The following SERPINB1 variants were observed in gnomAD, a reference collection of about 807,000 sequenced individuals.
SERPINB1 encodes the protein serpin family B member 1.
Under a neutral mutation model 25.9 loss-of-function variants are expected in SERPINB1, and 23 were observed. The observed-to-expected ratio is 0.89, with a 90% CI of 0.64 to 1.26. The LOEUF is 1.26. Among genes scored for constraint, SERPINB1 ranks in the 50% most tolerant of loss-of-function variants. The pLI, the probability that SERPINB1 is intolerant of heterozygous loss-of-function variation, is 0.00. For missense variants in SERPINB1, 399 were observed against 463.6 expected (o/e 0.86, Z 1.28); for synonymous variants, 178 against 178.7 (o/e 1.00, Z 0.03).
rs909671679 is a variant in SERPINB1 at position 2,833,005 on chromosome 6, G to C, written c.*603C>G. On this transcript the variant is annotated 3_prime_UTR_variant, in exon 7 of 7. Transcript: ENST00000380739. ...ACATGAACTATATATTATACATAAAGAAGAACAAAAAAGGGAATGCAGGTT... is the reference window on the plus strand; with the variant it reads ...ACATGAACTATATATTATACATAAACAAGAACAAAAAAGGGAATGCAGGTT... The C allele has an allele frequency of 1.3e-5, 2 of 152,080 alleles. No individual in the cohort carries two copies. Among genetic ancestry groups the C allele is most frequent in the Non-Finnish European group, 2.9e-5 (2 of 68,058 alleles). 9.4% of individuals were successfully genotyped at this position (152,080 alleles called of 1,614,324 possible).
chr6:2,839,394 G>C, intron 2 of SERPINB1: 1 of 984,916 alleles, frequency 1.0e-6, no homozygotes, highest in South Asian at 4.7e-5. Context: ...AAATGGGGGA[G>C]GAGTCCTTAA....
intron 2 of SERPINB1, 53 bp downstream of exon 2, chr6:2,840,366 C>A: frequency 6.2e-7 from 1 of 1,600,774 alleles, no homozygotes; most frequent in Non-Finnish European, 8.5e-7. Context: ...TGCAGACTGT[C>A]CATTCGTAGG....
At position 2,841,248 on chromosome 6, in the gene SERPINB1, T is replaced by A. The variant is rs964735362; in HGVS notation, c.-9+564A>T. 6.6e-6 allele frequency: 1 copy of A among 152,216 alleles called. No homozygotes were observed. Among genetic ancestry groups the A allele is most frequent in the African/African-American group, 2.4e-5 (1 of 41,420 alleles). 9.4% of individuals were successfully genotyped at this position (152,216 alleles called of 1,614,324 possible). On this transcript the variant is annotated intron_variant, in intron 1 of 6. Transcript: ENST00000380739. This position sits in a 1 kb window ranked among gnomAD's most constrained non-coding sequence, Gnocchi z 4.5. ...CAGGGTCTGGCCGTGCAGCGTCCCA[T>A]CCGCCACCCACTAGCCCATCTCGAT... is the stretch of plus-strand genomic sequence containing the variant.
At position 2,838,734 on chromosome 6, in the gene SERPINB1, T is replaced by C. The variant is rs374763874; in HGVS notation, c.169-48A>G. 5 of 1,407,184 alleles carry C rather than the reference T, an allele frequency of 3.6e-6. No homozygotes were observed. In the South Asian group the frequency reaches 4.4e-5, roughly 12 times the overall value. 87.2% of individuals were successfully genotyped at this position (1,407,184 alleles called of 1,614,324 possible). A position where few individuals can be genotyped will look rare whatever the true frequency, so the allele number is the denominator to read the frequency against. On this transcript the variant is annotated intron_variant, in intron 2 of 6. Transcript: ENST00000380739. ...TCTACAACCATTTATTTTGAAACTATAAAGTGATTCCTTGGTGTTTCCTTC... is the reference window on the plus strand; with the variant it reads ...TCTACAACCATTTATTTTGAAACTACAAAGTGATTCCTTGGTGTTTCCTTC...
At chr6:2,840,373 T>A in intron 2 of SERPINB1, 46 bp downstream of exon 2, 1 of 1,607,388 alleles carries the variant, frequency 6.2e-7, no homozygotes, top group Non-Finnish European at 8.5e-7. Flanking sequence ...TGTCCATTCG[T>A]AGGGAGATGG....
chr6:2,836,616 C>T (rs1265692398), intron 4 of SERPINB1, among the ~76,000 whole-genome samples: 1 of 152,108 alleles, frequency 6.6e-6, no homozygotes, highest in African/African-American at 2.4e-5. Flanking sequence ...ATGAAGATAT[C>T]TTTAGTCATC....
rs776833471 is a variant in SERPINB1 at position 2,840,589 on chromosome 6, T to A, written c.-3A>T. On this transcript the variant is annotated 5_prime_UTR_variant, in exon 2 of 7. Coordinates refer to ENST00000380739, the MANE Select transcript of SERPINB1 (RefSeq NM_030666.4). ...TTTGCTGAGCTCAGCTGCTCCATGG[T>A]GAAAACTGCAACACAGAACAGGGTC... 6.2e-7 allele frequency: 1 copy of A among 1,610,702 alleles called. No individual in the cohort carries two copies.
Position 2,840,524 on chromosome 6 carries a change from C to T in SERPINB1, c.63G>A (p.Glu21=), listed in dbSNP as rs149925373. Residue 21 remains glutamate (E), a synonymous_variant, in exon 2 of 7, where the codon GAG becomes GAA. Coordinates refer to ENST00000380739, the MANE Select transcript of SERPINB1 (RefSeq NM_030666.4). ...FALDLFLALS[E]NNPAGNIFIS... is the part of the protein sequence containing the mutation. Reference sequence around the variant, plus strand: ...TGAAGATGTTTCCAGCCGGATTGTTCTCACTCAACGCCAGGAACAGGTCCA... The same window carrying T: ...TGAAGATGTTTCCAGCCGGATTGTTTTCACTCAACGCCAGGAACAGGTCCA... 13 of 1,614,066 alleles carry T rather than the reference C, an allele frequency of 8.1e-6. No individual in the cohort carries two copies. The African/African-American group carries it at 1.7e-4, about 22-fold the overall frequency.
intron 1 of SERPINB1, among the ~76,000 whole-genome samples, chr6:2,840,830 T>C (rs956215962): frequency 6.6e-6 from 1 of 152,098 alleles, no homozygotes; most frequent in African/African-American, 2.4e-5. Context: ...GCACCCAGGG[T>C]GCCCTAAAGG....
Position 2,840,435 on chromosome 6 carries a change from G to A in SERPINB1, c.152C>T (p.Ala51Val), listed in dbSNP as rs778569427. 1.2e-6 allele frequency: 2 copies of A among 1,613,970 alleles called. No homozygotes were observed. Among genetic ancestry groups the A allele is most frequent in the Non-Finnish European group, 1.7e-6 (2 of 1,180,022 alleles). The change falls in exon 2 of 7, where the codon GCA becomes GTA. Residue 51 changes from alanine (A) to valine (V), a missense_variant. Coordinates refer to ENST00000380739, the MANE Select transcript of SERPINB1 (RefSeq NM_030666.4). ...TCTGCTGACCTTGGACAGCTGTGCT[G>A]CCGTGTTACCTCTGGTCCCCAGAAA... ...MVFLGTRGNTAAQLSKTFHFN... is the reference protein window; with the variant it reads ...MVFLGTRGNTVAQLSKTFHFN...
rs1285421001 is a variant in SERPINB1, at chr6:2,841,600, G to A, written c.-9+212C>T. ...CGCGGGCTGGCCCGGCCTGTACCCA[G>A]GCGGGGGCGGGGGATCAGAGGTCGT... On this transcript the variant is annotated intron_variant, in intron 1 of 6. Coordinates refer to ENST00000380739, the MANE Select transcript of SERPINB1 (RefSeq NM_030666.4). This position sits in a 1 kb window ranked among gnomAD's most constrained non-coding sequence, Gnocchi z 4.5. 6.6e-6 allele frequency: 1 copy of A among 152,282 alleles called. No homozygotes were observed. The allele number at this position is 152,282 out of a possible 1,614,324, so 9.4% of individuals were successfully genotyped here.
At chr6:2,839,200 G>A (rs1766578919) in intron 2 of SERPINB1, 1 of 474,068 alleles carries the variant, frequency 2.1e-6, no homozygotes, top group Admixed American at 6.4e-5. Context: ...TTAACATTCT[G>A]GCAAAAGTTT....
chr6:2,834,027 G>T lies in SERPINB1; in HGVS notation c.736-15C>A, dbSNP rs368291069. ...TGTTCCTCAATCTGCAATTAAAAAT[G>T]AGGCGAAAGAGGAAGTGATATCAAT... is the stretch of plus-strand genomic sequence containing the variant. On this transcript the variant is annotated splice_polypyrimidine_tract_variant and intron_variant, in intron 6 of 6. Coordinates refer to ENST00000380739, the MANE Select transcript of SERPINB1 (RefSeq NM_030666.4). 1.9e-6 allele frequency: 3 copies of T among 1,572,194 alleles called. No individual in the cohort carries two copies. The highest frequency in any genetic ancestry group is 2.7e-5 in the African/African-American group (2 of 73,654).
Position 2,833,817 on chromosome 6 carries a change from T to C in SERPINB1, c.931A>G (p.Arg311Gly). The C allele has an allele frequency of 6.2e-7, 1 of 1,614,194 alleles. No individual in the cohort carries two copies. Reference sequence around the variant, plus strand: ...ACAATTTTTGATATAAAAATATCTCTGGCTCCTGACATGCCAGACAGATCA... The same window carrying C: ...ACAATTTTTGATATAAAAATATCTCCGGCTCCTGACATGCCAGACAGATCA... ...KADLSGMSGA[R>G]DIFISKIVHK... Residue 311 changes from arginine (R) to glycine (G), a missense_variant, in exon 7 of 7, where the codon AGA becomes GGA. By Grantham distance (125) the Arg-to-Gly change is moderately radical. Coordinates refer to ENST00000380739, the MANE Select transcript of SERPINB1 (RefSeq NM_030666.4).
At position 2,833,265 on chromosome 6, in the gene SERPINB1, G is replaced by C. The variant is rs17295879; in HGVS notation, c.*343C>G. ...CCAAAATTCTAACTGCAAAATAAAT[G>C]ACCATCTTATCATGTTTTCCCATGG... is the stretch of plus-strand genomic sequence containing the variant. On this transcript the variant is annotated 3_prime_UTR_variant, in exon 7 of 7. Transcript: ENST00000380739. The C allele has an allele frequency of 0.038, 6,988 of 185,196 alleles. 191 individuals are homozygous for C. The highest frequency in any genetic ancestry group is 0.056 in the Middle Eastern group (27 of 478). The allele number at this position is 185,196 out of a possible 1,614,324, so 11.5% of individuals were successfully genotyped here.
chr6:2,835,719 T>C, intron 6 of SERPINB1, 137 bp downstream of exon 6: 1 of 936,798 alleles, frequency 1.1e-6, no homozygotes, highest in Non-Finnish European at 1.6e-6. Flanking sequence ...GTGTAGTAAG[T>C]GTTGATGGGC....
rs751286318 is a variant in SERPINB1 at position 2,836,035 on chromosome 6, T to A, written c.568-12A>T. On this transcript the variant is annotated splice_polypyrimidine_tract_variant and intron_variant, in intron 5 of 6. Coordinates refer to ENST00000380739, the MANE Select transcript of SERPINB1 (RefSeq NM_030666.4). ...GTTTTTCTGTCTTTCTGAACAGTTTTAAAAAATCACTGAAATTATTCTCTG... is the reference window on the plus strand; with the variant it reads ...GTTTTTCTGTCTTTCTGAACAGTTTAAAAAAATCACTGAAATTATTCTCTG... 175 of 1,613,812 alleles carry A rather than the reference T, an allele frequency of 1.1e-4. 1 individual carries two copies. The highest frequency in any genetic ancestry group is 8.2e-4 in the Middle Eastern group (5 of 6,084).
At chr6:2,834,071 T>A (rs1766418082) in intron 6 of SERPINB1, 59 bp from the exon 7 acceptor site, 2 of 1,455,554 alleles carry the variant, frequency 1.4e-6, no homozygotes, top group Middle Eastern at 1.8e-4. Flanking sequence ...AGTAAGGCAA[T>A]AAAGTATTAT....
At position 2,833,439 on chromosome 6, in the gene SERPINB1, C is replaced by A; in HGVS notation, c.*169G>T. The A allele has an allele frequency of 1.7e-6, 1 of 579,428 alleles. No individual in the cohort carries two copies. 35.9% of individuals were successfully genotyped at this position (579,428 alleles called of 1,614,324 possible). On this transcript the variant is annotated 3_prime_UTR_variant, in exon 7 of 7. Coordinates refer to ENST00000380739, the MANE Select transcript of SERPINB1 (RefSeq NM_030666.4). ...AAAAAAGAAAAATAGATACCCATGCCAAAATTCATGGGTGTAAACAGCCAA... is the reference window on the plus strand; with the variant it reads ...AAAAAAGAAAAATAGATACCCATGCAAAAATTCATGGGTGTAAACAGCCAA...
Sources: gnomAD v4.1 joint callset for allele counts (sites outside exome capture counted in the v4.1 genomes callset) on GRCh38, gnomAD v4.1.1 for gene constraint, Gnocchi (gnomAD v3.1) non-coding constraint, MANE v1.5 for transcripts, NCBI Gene and HGNC (gene_info 2026-07-23, HGNC 2026-07-21) for gene names.